The following NTM variants were observed in gnomAD, a reference collection of about 807,000 sequenced individuals.
NTM encodes the protein IgLON family member 2.
NTM carries 13 observed loss-of-function variants against 42.1 expected under a neutral mutation model. The ratio of observed to expected loss-of-function variants is 0.31; its 90% CI spans 0.20 to 0.49. The LOEUF (loss-of-function observed/expected upper bound fraction) is 0.49, where lower values mean the gene tolerates loss of function less well. NTM is among the 20% of genes least tolerant of loss of function. The probability of loss-of-function intolerance (pLI) is 0.99; values close to 1 mark genes in which losing one functional copy is unlikely to be tolerated. For synonymous variants in NTM, 187 were observed against 179.2 expected (o/e 1.04, Z -0.35); for missense variants, 373 against 452.8 (o/e 0.82, Z 1.60).
chr11:131,802,712 G>A (rs1591963410), intron 1 of NTM, among the ~76,000 whole-genome samples: 1 of 152,246 alleles, frequency 6.6e-6, no homozygotes. Context: ...TGCAAACAGA[G>A]TGCTGCGCTA....
intron 1 of NTM, chr11:131,795,425 A>G (rs900841234): frequency 2.0e-6 from 2 of 985,280 alleles, no homozygotes; most frequent in African/African-American, 1.7e-5. Context: ...CCTTAAATAC[A>G]CTATTGGTAT....
chr11:131,608,608 C>G (rs1297323373), intron 1 of NTM, among the ~76,000 whole-genome samples: 1 of 144,772 alleles, frequency 6.9e-6, no homozygotes, highest in East Asian at 2.1e-4. Context: ...CCACGGCCCT[C>G]GATTCTAGGC....
chr11:132,120,114 C>T (rs1455875083), intron 2 of NTM, among the ~76,000 whole-genome samples: 6 of 107,890 alleles, frequency 5.6e-5, no homozygotes, highest in African/African-American at 8.2e-5. Context: ...TTCTACAGCT[C>T]GGCTGATGAT....
intron 2 of NTM, among the ~76,000 whole-genome samples, chr11:131,948,232 G>T (rs1269725808): frequency 3.3e-5 from 5 of 152,006 alleles, no homozygotes; most frequent in South Asian, 2.1e-4. Flanking sequence ...AGGCGTGGTG[G>T]TGGGTGCCTG....
chr11:131,850,774 A>T (rs2136815179), intron 1 of NTM, among the ~76,000 whole-genome samples: 1 of 152,336 alleles, frequency 6.6e-6, no homozygotes, highest in African/African-American at 2.4e-5. Context: ...ATGTCCTGGC[A>T]GGAAATTACT....
chr11:131,996,781 C>T (rs2068117816), intron 2 of NTM, among the ~76,000 whole-genome samples: 1 of 152,100 alleles, frequency 6.6e-6, no homozygotes. Context: ...CTGCCAGCCC[C>T]CTCTGAGGCA....
At chr11:131,662,930 C>A (rs538886342) in intron 1 of NTM, among the ~76,000 whole-genome samples, 1 of 152,132 alleles carries the variant, frequency 6.6e-6, no homozygotes, top group African/African-American at 2.4e-5. Flanking sequence ...GAACATGTTC[C>A]ACAGAGCATA....
intron 2 of NTM, chr11:131,921,995 A>G (rs1481075687): frequency 6.6e-6 from 1 of 152,604 alleles, no homozygotes; most frequent in Non-Finnish European, 1.5e-5. Flanking sequence ...TCTGGACTTA[A>G]TGATCTGTCA....
intron 4 of NTM, among the ~76,000 whole-genome samples, chr11:132,294,471 C>T (rs1269368737): frequency 6.6e-6 from 1 of 152,268 alleles, no homozygotes; most frequent in East Asian, 1.9e-4. Flanking sequence ...TAAAACTCAT[C>T]AGTTAAGGTT....
intron 2 of NTM, among the ~76,000 whole-genome samples, chr11:132,120,380 G>A (rs1420859074): frequency 2.0e-5 from 3 of 152,114 alleles, no homozygotes; most frequent in Non-Finnish European, 4.4e-5. Flanking sequence ...AGTGAGGGGT[G>A]ACAAAACTCA....
chr11:131,651,601 A>G (rs1212772442), intron 1 of NTM, among the ~76,000 whole-genome samples: 1 of 152,146 alleles, frequency 6.6e-6, no homozygotes, highest in Non-Finnish European at 1.5e-5. Context: ...CAGCATTTTG[A>G]GAGACCGAGG....
At chr11:131,652,134 A>G (rs540499781) in intron 1 of NTM, among the ~76,000 whole-genome samples, 25 of 152,338 alleles carry the variant, frequency 1.6e-4, no homozygotes, top group African/African-American at 5.8e-4. Context: ...CCTTCCCAAT[A>G]TCCATGTCCT....
chr11:131,693,149 G>C (rs1465437664), intron 1 of NTM, among the ~76,000 whole-genome samples: 1 of 152,118 alleles, frequency 6.6e-6, no homozygotes, highest in African/African-American at 2.4e-5. Flanking sequence ...TCAGGGCAGA[G>C]GTGGGCTGGG....
At chr11:131,741,666 AGAG>A (rs1184397015) in intron 1 of NTM, among the ~76,000 whole-genome samples, 2 of 152,270 alleles carry the variant, frequency 1.3e-5, no homozygotes, top group Non-Finnish European at 2.9e-5. Context: ...TCAAAGAGAA[AGAG>A]GAGAACATGA....
chr11:132,140,031 A>G (rs2068765249), intron 2 of NTM, among the ~76,000 whole-genome samples: 1 of 152,244 alleles, frequency 6.6e-6, no homozygotes, highest in Non-Finnish European at 1.5e-5. Context: ...TACAATAAAC[A>G]AAAGAATGTA....
chr11:131,667,161 G>C (rs1447239149), intron 1 of NTM, among the ~76,000 whole-genome samples: 1 of 152,108 alleles, frequency 6.6e-6, no homozygotes, highest in Non-Finnish European at 1.5e-5. Flanking sequence ...TCATTTAAAA[G>C]CTTCTTTTTC....
chr11:131,421,090 A>C (rs866722599), intron 1 of NTM, among the ~76,000 whole-genome samples: 1 of 152,188 alleles, frequency 6.6e-6, no homozygotes, highest in South Asian at 2.1e-4. Context: ...TGGAAGCTTG[A>C]AGAGAATTCG....
At chr11:131,506,658 G>A (rs1238225471) in intron 1 of NTM, among the ~76,000 whole-genome samples, 1 of 152,144 alleles carries the variant, frequency 6.6e-6, no homozygotes, top group Non-Finnish European at 1.5e-5. Context: ...TGGGAATGGG[G>A]CAGGGCACAG....
chr11:131,792,686 G>A (rs1346342003), intron 1 of NTM, among the ~76,000 whole-genome samples: 1 of 152,152 alleles, frequency 6.6e-6, no homozygotes, highest in Non-Finnish European at 1.5e-5. Context: ...TAACAAATGG[G>A]CACGGTGCCT....
Sources: gnomAD v4.1 joint callset for allele counts (sites outside exome capture counted in the v4.1 genomes callset) on GRCh38, gnomAD v4.1.1 for gene constraint, MANE v1.5 for transcripts, NCBI Gene and HGNC (gene_info 2026-07-23, HGNC 2026-07-21) for gene names.